Variants in ARHGEF38 observed in about 807,000 individuals in gnomAD.
ARHGEF38 encodes Rho guanine nucleotide exchange factor 38.
A neutral mutation model predicts 79.9 loss-of-function variants in ARHGEF38; 79 were observed. The ratio of observed to expected loss-of-function variants is 0.99; its 90% CI spans 0.82 to 1.19. The LOEUF (loss-of-function observed/expected upper bound fraction) is 1.19, where lower values mean the gene tolerates loss of function less well. Among genes scored for constraint, ARHGEF38 ranks in the 50% most tolerant of loss-of-function variants. The pLI, the probability that ARHGEF38 is intolerant of heterozygous loss-of-function variation, is 0.00. For missense variants in ARHGEF38, 962 were observed against 907.2 expected, an observed-to-expected ratio of 1.06 and a Z score of -0.78; for synonymous variants, 366 against 328.3, an observed-to-expected ratio of 1.11 and a Z score of -1.24.
chr4:105,599,432 G>A (rs574143361), intron 2 of ARHGEF38, among the ~76,000 whole-genome samples: 12 of 152,118 alleles, frequency 7.9e-5, no homozygotes, highest in African/African-American at 1.2e-4. Context: ...TGTGTTAAGC[G>A]GATCTGTTTT....
intron 6 of ARHGEF38, among the ~76,000 whole-genome samples, chr4:105,646,539 A>C (rs1252583456): frequency 6.6e-6 from 1 of 152,204 alleles, no homozygotes; most frequent in Non-Finnish European, 1.5e-5. Flanking sequence ...ATGTACTTGG[A>C]ATCACTAGTT....
At position 105,574,831 on chromosome 4, in the gene ARHGEF38, C is replaced by T. The variant is rs147546571; in HGVS notation, c.197-14417C>T. On this transcript the variant is annotated intron_variant, in intron 1 of 13. Transcript: ENST00000420470. Reference sequence around the variant, plus strand: ...TTTAGTGCACCTATCACCTGAATAACGTATGTTGTATCCAACATGTAGTTT... The same window carrying T: ...TTTAGTGCACCTATCACCTGAATAATGTATGTTGTATCCAACATGTAGTTT... 2.8e-3 allele frequency among the ~76,000 whole-genome samples: 428 copies of T among 150,542 alleles called. 2 individuals carry two copies. The highest frequency in any genetic ancestry group is 0.014 in the Middle Eastern group (4 of 294).
Position 105,680,175 on chromosome 4 carries a change from C to T in ARHGEF38, c.*2238C>T. ...TGGAATTTAAAACCAGGTCTTCTGACTTTAAGGCCTTTCTTTTAGTGTTTT... is the reference window on the plus strand; with the variant it reads ...TGGAATTTAAAACCAGGTCTTCTGATTTTAAGGCCTTTCTTTTAGTGTTTT... On this transcript the variant is annotated 3_prime_UTR_variant, in exon 14 of 14. Coordinates refer to ENST00000420470, the MANE Select transcript of ARHGEF38 (RefSeq NM_001242729.2). 1 of 558,786 alleles carries T rather than the reference C, an allele frequency of 1.8e-6. No individual in the cohort carries two copies. Among genetic ancestry groups the T allele is most frequent in the East Asian group, 3.6e-5 (1 of 27,888 alleles). 34.6% of individuals were successfully genotyped at this position (558,786 alleles called of 1,614,324 possible).
At chr4:105,609,857 G>A (rs1319405115) in intron 2 of ARHGEF38, among the ~76,000 whole-genome samples, 1 of 152,082 alleles carries the variant, frequency 6.6e-6, no homozygotes, top group Non-Finnish European at 1.5e-5. Flanking sequence ...CAATTACTGG[G>A]TGTATACCCA....
chr4:105,556,995 C>G (rs1407241650), intron 1 of ARHGEF38, among the ~76,000 whole-genome samples: 1 of 152,126 alleles, frequency 6.6e-6, no homozygotes, highest in Non-Finnish European at 1.5e-5. Context: ...AATTCCTCTT[C>G]TATTAGTGAC....
At chr4:105,622,807 T>C (rs1367999386) in intron 3 of ARHGEF38, among the ~76,000 whole-genome samples, 3 of 152,194 alleles carry the variant, frequency 2.0e-5, no homozygotes, top group Non-Finnish European at 4.4e-5. Flanking sequence ...TTTGGGGGAA[T>C]ATAACCATTT....
intron 3 of ARHGEF38, among the ~76,000 whole-genome samples, chr4:105,622,478 T>C (rs1728776641): frequency 6.6e-6 from 1 of 152,126 alleles, no homozygotes; most frequent in Admixed American, 6.5e-5. Flanking sequence ...CAGATCCAAG[T>C]CTTAATCCTG....
At chr4:105,651,444 C>T (rs1730100947) in intron 7 of ARHGEF38, among the ~76,000 whole-genome samples, 1 of 152,144 alleles carries the variant, frequency 6.6e-6, no homozygotes, top group Non-Finnish European at 1.5e-5. Context: ...CTCTTGTACC[C>T]AGCACCATGT....
chr4:105,575,838 T>A (rs966256961), intron 1 of ARHGEF38, among the ~76,000 whole-genome samples: 1 of 152,152 alleles, frequency 6.6e-6, no homozygotes, highest in African/African-American at 2.4e-5. Context: ...AGGTGAGAGA[T>A]AGGGATCCAG....
intron 1 of ARHGEF38, among the ~76,000 whole-genome samples, chr4:105,580,570 G>A (rs1461363552): frequency 1.3e-5 from 2 of 151,992 alleles, no homozygotes; most frequent in African/African-American, 2.4e-5. Flanking sequence ...TTGTACTATG[G>A]TCTGAGAGAG....
rs1285344909 is a variant in ARHGEF38, at chr4:105,589,443, T to A, written c.384+8T>A. The A allele has an allele frequency of 1.3e-6, 2 of 1,596,128 alleles. No homozygotes were observed. Among genetic ancestry groups the A allele is most frequent in the Non-Finnish European group, 1.7e-6 (2 of 1,173,926 alleles). On this transcript the variant is annotated splice_region_variant and intron_variant, in intron 2 of 13. Transcript: ENST00000420470. ...CCCCTGAGAAATAAAAAGGTAAATA[T>A]ATATTTGAGATTTTTTTTTCTCTCC...
At chr4:105,580,875 A>G (rs969441254) in intron 1 of ARHGEF38, among the ~76,000 whole-genome samples, 5 of 151,836 alleles carry the variant, frequency 3.3e-5, no homozygotes, top group Non-Finnish European at 7.4e-5. Context: ...GGGTTTCACC[A>G]TGTTGGCCAG....
At chr4:105,663,985 CAAACA>C (rs540160550) in intron 10 of ARHGEF38, among the ~76,000 whole-genome samples, 1,710 of 145,104 alleles carry the variant, frequency 0.012, 18 homozygotes, top group Admixed American at 0.031. Context: ...AAAAAAAAAA[CAAACA>C]AAACAAAACA....
chr4:105,634,857 TTGGC>T (rs1729336489), intron 4 of ARHGEF38, among the ~76,000 whole-genome samples: 1 of 152,150 alleles, frequency 6.6e-6, no homozygotes, highest in Non-Finnish European at 1.5e-5. Context: ...TCTGGGCACT[TTGGC>T]TGCTCACATT....
At chr4:105,599,818 C>A (rs900680896) in intron 2 of ARHGEF38, among the ~76,000 whole-genome samples, 1 of 152,272 alleles carries the variant, frequency 6.6e-6, no homozygotes, top group East Asian at 1.9e-4. Context: ...TAGATGATTA[C>A]ATGAGTTAAT....
intron 4 of ARHGEF38, chr4:105,631,388 G>A (rs779684055): frequency 2.1e-5 from 21 of 999,112 alleles, no homozygotes; most frequent in Admixed American, 1.2e-4. Context: ...GAGATAACAC[G>A]TGGCCCCATG....
At chr4:105,557,591 T>A (rs1277066242) in intron 1 of ARHGEF38, among the ~76,000 whole-genome samples, 1 of 100,950 alleles carries the variant, frequency 9.9e-6, no homozygotes, top group East Asian at 2.3e-4. Context: ...ATGGGATTAG[T>A]GACCCTTAAA....
chr4:105,621,256 A>G (rs1467865136), intron 3 of ARHGEF38, among the ~76,000 whole-genome samples: 1 of 152,242 alleles, frequency 6.6e-6, no homozygotes, highest in African/African-American at 2.4e-5. Flanking sequence ...TGTTGTTTCA[A>G]GATACTAAGC....
chr4:105,554,991 A>G (rs1725186646), intron 1 of ARHGEF38, among the ~76,000 whole-genome samples: 1 of 152,146 alleles, frequency 6.6e-6, no homozygotes. Context: ...CAGAGTCTCC[A>G]TTAGCAAAAT....
Sources: allele counts gnomAD v4.1 joint callset (sites outside exome capture counted in the v4.1 genomes callset), GRCh38; gene constraint gnomAD v4.1.1; transcripts MANE v1.5; gene names NCBI Gene and HGNC (gene_info 2026-07-23, HGNC 2026-07-21).